The following ATP8B4 variants were observed in gnomAD, a reference collection of about 807,000 sequenced individuals.
The protein encoded by ATP8B4 is ATPase phospholipid transporting 8B4 (putative).
A neutral mutation model predicts 145.6 loss-of-function variants in ATP8B4; 133 were observed. The observed-to-expected ratio is 0.91, with a 90% CI of 0.79 to 1.05. ATP8B4 has a LOEUF of 1.05. Among genes scored for constraint, ATP8B4 ranks in the 50% least tolerant of loss-of-function variants. ATP8B4 has a pLI of 0.00. For missense variants in ATP8B4, 1,458 were observed against 1,425.2 expected (o/e 1.02, Z -0.37); for synonymous variants, 507 against 492.9 (o/e 1.03, Z -0.38).
intron 1 of ATP8B4, among the ~76,000 whole-genome samples, chr15:50,169,431 A>G (rs2044639515): frequency 6.6e-6 from 1 of 152,200 alleles, no homozygotes; most frequent in Admixed American, 6.5e-5. Context: ...AAGACAGAAA[A>G]CAATCACTGC....
intron 14 of ATP8B4, among the ~76,000 whole-genome samples, chr15:49,952,313 C>T (rs2043175073): frequency 6.6e-6 from 1 of 152,172 alleles, no homozygotes; most frequent in African/African-American, 2.4e-5. Flanking sequence ...CCATTTTCCC[C>T]TTCTCCTTCT....
chr15:50,030,740 C>A (rs564164545), intron 6 of ATP8B4, among the ~76,000 whole-genome samples: 1 of 152,264 alleles, frequency 6.6e-6, no homozygotes, highest in East Asian at 1.9e-4. Flanking sequence ...ATCTGGGTCA[C>A]ATAAACTTTA....
intron 1 of ATP8B4, among the ~76,000 whole-genome samples, chr15:50,178,954 C>T (rs907991622): frequency 2.6e-5 from 4 of 151,748 alleles, no homozygotes; most frequent in African/African-American, 7.3e-5. Context: ...AAATATAACA[C>T]GGGACTAAGA....
intron 16 of ATP8B4, among the ~76,000 whole-genome samples, chr15:49,929,541 G>A (rs911999490): frequency 5.2e-4 from 79 of 152,120 alleles, no homozygotes; most frequent in African/African-American, 1.8e-3. Flanking sequence ...GAAAGAGATC[G>A]AAGCTAAACA....
In ATP8B4 at chr15:50,175,821, G is replaced by A. The variant is rs765337412; in HGVS notation, c.-43+6440C>T. ...CTTAAAGAACTAAAAGTAGAACTACGATTTGATCCAGCAATCCCACTGCTG... is the reference window on the plus strand; with the variant it reads ...CTTAAAGAACTAAAAGTAGAACTACAATTTGATCCAGCAATCCCACTGCTG... On this transcript the variant is annotated intron_variant, in intron 1 of 3. Transcript: ENST00000558829. Among the ~76,000 whole-genome samples, 11 of 152,178 alleles carry A rather than the reference G, an allele frequency of 7.2e-5. No individual in the cohort carries two copies. In the South Asian group the frequency reaches 1.2e-3, roughly 17 times the overall value.
At chr15:50,129,577 G>T (rs528275969) in intron 1 of ATP8B4, among the ~76,000 whole-genome samples, 12 of 152,178 alleles carry the variant, frequency 7.9e-5, no homozygotes, top group African/African-American at 2.9e-4. Flanking sequence ...AATCAAATAT[G>T]ACCTCAATCT....
chr15:50,141,427 T>C (rs2044207943), intron 1 of ATP8B4, among the ~76,000 whole-genome samples: 1 of 152,096 alleles, frequency 6.6e-6, no homozygotes, highest in Admixed American at 6.5e-5. Flanking sequence ...TTCTCAGTAA[T>C]GGGCTGAGAG....
intron 17 of ATP8B4, among the ~76,000 whole-genome samples, chr15:49,920,905 C>A (rs16963083): frequency 0.23 from 34,605 of 152,052 alleles, 5,632 homozygotes; most frequent in African/African-American, 0.46. Flanking sequence ...ACATCACACC[C>A]AAGTCTTGTC....
chr15:50,023,788 A>AAAAAAAAG, intron 6 of ATP8B4, among the ~76,000 whole-genome samples: 1 of 146,458 alleles, frequency 6.8e-6, no homozygotes, highest in African/African-American at 2.5e-5. Flanking sequence ...GCAAAAAAAA[A>AAAAAAAAG]AAAAAAAAGA....
intron 5 of ATP8B4, among the ~76,000 whole-genome samples, chr15:50,043,959 CAAAA>C (rs71424043): frequency 4.0e-5 from 3 of 75,030 alleles, no homozygotes; most frequent in African/African-American, 4.9e-5. Context: ...GACTCCGTTT[CAAAA>C]AAAAAAAAAA....
At chr15:49,863,961 G>C (rs2032327177) in intron 26 of ATP8B4, among the ~76,000 whole-genome samples, 1 of 152,114 alleles carries the variant, frequency 6.6e-6, no homozygotes, top group East Asian at 1.9e-4. Flanking sequence ...AGGCATTCTA[G>C]TCTCATTATG....
intron 1 of ATP8B4, among the ~76,000 whole-genome samples, chr15:50,166,864 T>C (rs74375855): frequency 0.037 from 5,578 of 152,184 alleles, 150 homozygotes; most frequent in African/African-American, 0.074. Flanking sequence ...GGGGTTGGAA[T>C]GTTTCATAGT....
intron 21 of ATP8B4, among the ~76,000 whole-genome samples, chr15:49,899,260 A>G (rs2037758570): frequency 6.6e-6 from 1 of 152,100 alleles, no homozygotes; most frequent in Non-Finnish European, 1.5e-5. Context: ...GTCTTCCCTG[A>G]TTCTCCCACA....
intron 22 of ATP8B4, among the ~76,000 whole-genome samples, chr15:49,897,809 A>T (rs184096446): frequency 3.9e-5 from 6 of 152,220 alleles, no homozygotes; most frequent in Non-Finnish European, 8.8e-5. Flanking sequence ...TCTACACCGT[A>T]GCTACTTACT....
intron 16 of ATP8B4, among the ~76,000 whole-genome samples, chr15:49,930,128 G>A (rs565232061): frequency 6.6e-6 from 1 of 152,198 alleles, no homozygotes; most frequent in East Asian, 1.9e-4. Context: ...AAAGCAAGAA[G>A]TGAGCAAGCA....
At chr15:49,910,602 A>T (rs2039125714) in intron 20 of ATP8B4, among the ~76,000 whole-genome samples, 1 of 152,188 alleles carries the variant, frequency 6.6e-6, no homozygotes, top group South Asian at 2.1e-4. Flanking sequence ...AGCAAGAGAA[A>T]AGCATCTAGT....
intron 10 of ATP8B4, among the ~76,000 whole-genome samples, chr15:49,981,533 G>C (rs1332085358): frequency 6.6e-6 from 1 of 152,140 alleles, no homozygotes; most frequent in African/African-American, 2.4e-5. Context: ...AGAACTTGTA[G>C]TTGAAAGGTT....
chr15:49,868,209 A>G (rs1194863346), intron 25 of ATP8B4, among the ~76,000 whole-genome samples: 1 of 152,234 alleles, frequency 6.6e-6, no homozygotes, highest in African/African-American at 2.4e-5. Context: ...GAGGAAAAAG[A>G]ATCAACCTAA....
chr15:49,934,024 A>G lies in ATP8B4; in HGVS notation c.1446T>C (p.Asn482=), dbSNP rs2041508178. The G allele has an allele frequency of 3.1e-6, 5 of 1,602,800 alleles. No individual in the cohort carries two copies. The East Asian group carries it at 1.1e-4, about 36-fold the overall frequency. Residue 482 remains asparagine, a synonymous_variant, in exon 15 of 28, where the codon AAT becomes AAC. Coordinates refer to ENST00000284509, the MANE Select transcript of ATP8B4 (RefSeq NM_024837.4). ...ACATAACTTTTCACTTACCTGCGCTATTCTCTTCTGACATTACAGTGTGGC... is the reference window on the plus strand; with the variant it reads ...ACATAACTTTTCACTTACCTGCGCTGTTCTCTTCTGACATTACAGTGTGGC... ...ALCHTVMSEE[N]SAGELIYQVQ...
Sources: allele counts gnomAD v4.1 joint callset (sites outside exome capture counted in the v4.1 genomes callset), GRCh38; gene constraint gnomAD v4.1.1; transcripts MANE v1.5; gene names NCBI Gene and HGNC (gene_info 2026-07-23, HGNC 2026-07-21).